Variants in DNM1 observed in about 807,000 individuals in gnomAD.
The protein encoded by DNM1 is dynamin-1.
A neutral mutation model predicts 104.6 loss-of-function variants in DNM1; 29 were observed. The observed-to-expected ratio is 0.28, with a 90% CI of 0.21 to 0.38. The LOEUF is 0.38. Ranked by LOEUF, DNM1 falls within the 10% of genes least tolerant of loss-of-function variation. The pLI, the probability that DNM1 is intolerant of heterozygous loss-of-function variation, is 1.00. For missense variants in DNM1, 640 were observed against 1,189.4 expected (o/e 0.54, Z 6.79); for synonymous variants, 445 against 475.8 (o/e 0.94, Z 0.84).
intron 10 of DNM1, among the ~76,000 whole-genome samples, chr9:128,230,404 C>G (rs1835608189): frequency 6.9e-6 from 1 of 145,552 alleles, no homozygotes; most frequent in Non-Finnish European, 1.5e-5. Flanking sequence ...TTTATTTTCT[C>G]TTCACAAATT....
Position 128,250,208 on chromosome 9 carries a change from C to T in DNM1, c.2170C>T (p.Arg724Trp), listed in dbSNP as rs1386035686. 1.2e-6 allele frequency: 2 copies of T among 1,614,038 alleles called. No individual in the cohort carries two copies. Among genetic ancestry groups the T allele is most frequent in the African/African-American group, 2.7e-5 (2 of 74,942 alleles). The change falls in exon 20 of 22, where the codon CGG becomes TGG. Residue 724 changes from arginine to tryptophan, a missense_variant. Physicochemically the swap from Arg to Trp is moderately radical, Grantham distance 101. Around this residue, in one of 7 missense-constraint regions of DNM1, gnomAD observed 129 missense variants for 224.6 expected, o/e 0.57. Transcript: ENST00000372923. ...GGAGGAGTCGGCGGAGCAGGCACAG[C>T]GGCGCGACGAGATGCTGCGCATGTA... ...LMEESAEQAQ[R>W]RDEMLRMYHA...
rs1836895675 is a variant in DNM1 at position 128,247,445 on chromosome 9, G to A, written c.1852G>A (p.Ala618Thr). ...ACAGGAGGAGGTGGACAGCTGGAAGGCCTCCTTCCTGAGGGCTGGCGTGTA... is the reference window on the plus strand; with the variant it reads ...ACAGGAGGAGGTGGACAGCTGGAAGACCTCCTTCCTGAGGGCTGGCGTGTA... Reference protein sequence around the residue: ...ETQEEVDSWKASFLRAGVYPE... With the variant: ...ETQEEVDSWKTSFLRAGVYPE... The change falls in exon 17 of 22, where the codon GCC (alanine) becomes ACC (threonine). Residue 618 changes from alanine (A) to threonine (T), a missense_variant. Physicochemically the swap from Ala to Thr is moderately conservative, Grantham distance 58. Transcript: ENST00000372923. This position sits in a 1 kb window ranked among gnomAD's most constrained non-coding sequence, Gnocchi z 5.1. 6.2e-7 allele frequency: 1 copy of A among 1,613,710 alleles called. No individual in the cohort carries two copies. The highest frequency in any genetic ancestry group is 8.5e-7 in the Non-Finnish European group (1 of 1,179,710).
Position 128,245,449 on chromosome 9 carries a change from G to C in DNM1, c.1672-945G>C, listed in dbSNP as rs1259705656. ...TGACAAAAACCCCTCCCCTCTCCCA[G>C]AGCCCCATCCTGGGGTACCTCCTCC... On this transcript the variant is annotated intron_variant, in intron 15 of 21. Coordinates refer to ENST00000372923, the MANE Select transcript of DNM1 (RefSeq NM_004408.4). This position sits in a 1 kb window ranked among gnomAD's most constrained non-coding sequence, Gnocchi z 5.2. Among the ~76,000 whole-genome samples, 1 of 149,888 alleles carries C rather than the reference G, an allele frequency of 6.7e-6. No individual in the cohort carries two copies. The highest frequency in any genetic ancestry group is 1.5e-5 in the Non-Finnish European group (1 of 67,658).
At position 128,242,237 on chromosome 9, in the gene DNM1, C is replaced by A; in HGVS notation, c.1563C>A (p.Ile521=). The change falls in exon 15 of 22, where the codon ATC becomes ATA. Residue 521 remains isoleucine (I), a synonymous_variant. Coordinates refer to ENST00000372923, the MANE Select transcript of DNM1 (RefSeq NM_004408.4). ...TSGNQDEILV[I]RKGWLTINNI... ...CCTGCCCCATCACCCTCCAGGTCAT[C>A]CGCAAGGGCTGGCTGACTATCAATA... 1 of 1,602,982 alleles carries A rather than the reference C, an allele frequency of 6.2e-7. No homozygotes were observed.
In DNM1 at chr9:128,220,347, C is replaced by T. The variant is rs527412689; in HGVS notation, c.849+6C>T. On this transcript the variant is annotated splice_donor_region_variant and intron_variant, in intron 6 of 21. Coordinates refer to ENST00000372923, the MANE Select transcript of DNM1 (RefSeq NM_004408.4). This position sits in a 1 kb window ranked among gnomAD's most constrained non-coding sequence, Gnocchi z 5.2. The stretch of plus-strand genomic sequence containing the variant: ...TGCAGAAGGTCCTCAATCAGGTAGG[C>T]GACCAAGCCAGGATGGGGCCTGGGG... The T allele has an allele frequency of 9.0e-5, 145 of 1,612,782 alleles. 1 individual carries two copies. The highest frequency in any genetic ancestry group is 5.0e-4 in the Admixed American group (30 of 60,024).
chr9:128,253,064 G>C lies in DNM1; in HGVS notation c.2535-1590G>C, dbSNP rs553796095. Reference sequence around the variant, plus strand: ...ACCCCCAGGCCGGCCCCACCCGTGCGTGTGAACTGCCATGTTGATTTCGTG... The same window carrying C: ...ACCCCCAGGCCGGCCCCACCCGTGCCTGTGAACTGCCATGTTGATTTCGTG... On this transcript the variant is annotated intron_variant, in intron 21 of 21. Coordinates refer to ENST00000372923, the MANE Select transcript of DNM1 (RefSeq NM_004408.4). The surrounding 1 kb of genome is among the most constrained non-coding windows in gnomAD (Gnocchi z 5.9). 1 of 1,610,844 alleles carries C rather than the reference G, an allele frequency of 6.2e-7. No individual in the cohort carries two copies. The highest frequency in any genetic ancestry group is 1.1e-5 in the South Asian group (1 of 91,038).
intron 1 of DNM1, among the ~76,000 whole-genome samples, chr9:128,211,760 T>C (rs1834315961): frequency 1.3e-5 from 2 of 152,124 alleles, no homozygotes; most frequent in Admixed American, 6.5e-5. Context: ...TGGGATGCCT[T>C]CTCTGATGAC....
Position 128,218,596 on chromosome 9 carries a change from C to T in DNM1, c.250C>T (p.Leu84=). 6.2e-7 allele frequency: 1 copy of T among 1,612,360 alleles called. No individual in the cohort carries two copies. Among genetic ancestry groups the T allele is most frequent in the Non-Finnish European group, 8.5e-7 (1 of 1,178,690 alleles). The change falls in exon 3 of 22, where the codon CTG becomes TTG. Residue 84 remains leucine, a synonymous_variant. Transcript: ENST00000372923. The surrounding 1 kb of genome is among the most constrained non-coding windows in gnomAD (Gnocchi z 4.8). ...TTCTGGAGCAGAATATGCCGAGTTC[C>T]TGCACTGCAAGGGAAAGAAATTCAC... ...VNATTEYAEF[L]HCKGKKFTDF... is the part of the protein sequence containing the mutation.
intron 15 of DNM1, among the ~76,000 whole-genome samples, chr9:128,242,736 G>A (rs1836451005): frequency 6.6e-6 from 1 of 152,166 alleles, no homozygotes; most frequent in Non-Finnish European, 1.5e-5. Context: ...CTCCAGCCTG[G>A]GCAACAGAGT....
rs1183293672 is a variant in DNM1 at position 128,229,869 on chromosome 9, C to T, written c.1336-4152C>T. 4.0e-5 allele frequency among the ~76,000 whole-genome samples: 6 copies of T among 151,462 alleles called. No homozygotes were observed. The South Asian group carries it at 1.0e-3, about 26-fold the overall frequency. ...CAGAGGTTGCAGTGAGCCAAGATCA[C>T]GCCACTGCACTCCAGCCTGGGTGAC... On this transcript the variant is annotated intron_variant, in intron 10 of 21. Transcript: ENST00000372923.
intron 1 of DNM1, among the ~76,000 whole-genome samples, chr9:128,209,659 C>T (rs147410514): frequency 3.5e-4 from 54 of 152,322 alleles, no homozygotes; most frequent in African/African-American, 1.0e-3. Context: ...CAGGTGTCCC[C>T]TCTCCGCAGG....
chr9:128,239,427 A>T lies in DNM1; in HGVS notation c.1423-18A>T, dbSNP rs755086548. The T allele has an allele frequency of 3.1e-6, 5 of 1,610,826 alleles. No homozygotes were observed. The Admixed American group carries it at 5.0e-5, about 16-fold the overall frequency. ...TGGTGTCTTTTGCGCTTGCCCACCA[A>T]CCTATGTATCCTTGAAGGTCATGCT... On this transcript the variant is annotated intron_variant, in intron 11 of 21. Transcript: ENST00000372923.
At position 128,222,390 on chromosome 9, in the gene DNM1, C is replaced by A; in HGVS notation, c.992+51C>A. On this transcript the variant is annotated intron_variant, in intron 7 of 21. Coordinates refer to ENST00000372923, the MANE Select transcript of DNM1 (RefSeq NM_004408.4). The surrounding 1 kb of genome is among the most constrained non-coding windows in gnomAD (Gnocchi z 7.8). ...TGAATCCCCGCCCCCAGCCTCTCAG[C>A]GTGGGGCTCTCCCAGGGTTCCCTTT... is the stretch of plus-strand genomic sequence containing the variant. 6.2e-7 allele frequency: 1 copy of A among 1,609,074 alleles called. No homozygotes were observed. The highest frequency in any genetic ancestry group is 8.5e-7 in the Non-Finnish European group (1 of 1,176,484).
chr9:128,233,998 T>C (rs1171558720), intron 10 of DNM1, 23 bp from the exon 11 acceptor site: 1 of 1,552,490 alleles, frequency 6.4e-7, no homozygotes, highest in Admixed American at 2.0e-5. Context: ...TACGTGGCTT[T>C]CTGCCCTCCT....
chr9:128,239,388 AT>A, intron 11 of DNM1, 56 bp from the exon 12 acceptor site: 1 of 1,386,346 alleles, frequency 7.2e-7, no homozygotes, highest in Non-Finnish European at 1.0e-6. Flanking sequence ...CTTGCCCTGC[AT>A]TTTAAAACTT....
intron 20 of DNM1, 120 bp downstream of exon 20, chr9:128,250,476 C>T (rs1394939901): frequency 4.2e-6 from 5 of 1,188,552 alleles, no homozygotes; most frequent in Non-Finnish European, 5.7e-6. Context: ...GAGCGAGGGG[C>T]GGAGCTTAGA....
Position 128,220,954 on chromosome 9 carries a change from TC to T in DNM1, c.849+615del. Among the ~76,000 whole-genome samples the T allele has an allele frequency of 2.2e-4, 33 of 149,550 alleles. No homozygotes were observed. The highest frequency in any genetic ancestry group is 7.6e-4 in the African/African-American group (31 of 40,628). Reference sequence around the variant, plus strand: ...CTTTCTTTTCTTTTCTTTCTTTCTTTCCTTTCTTCTTTCTTTCTTTCTCTTT... The same window carrying T: ...CTTTCTTTTCTTTTCTTTCTTTCTTTCTTTCTTCTTTCTTTCTTTCTCTTT... On this transcript the variant is annotated intron_variant, in intron 6 of 21. Coordinates refer to ENST00000372923, the MANE Select transcript of DNM1 (RefSeq NM_004408.4). The surrounding 1 kb of genome is among the most constrained non-coding windows in gnomAD (Gnocchi z 5.2).
chr9:128,222,392 T>C lies in DNM1; in HGVS notation c.992+53T>C. The C allele has an allele frequency of 6.2e-7, 1 of 1,609,424 alleles. No individual in the cohort carries two copies. Among genetic ancestry groups the C allele is most frequent in the Admixed American group, 1.7e-5 (1 of 59,848 alleles). The stretch of plus-strand genomic sequence containing the variant: ...AATCCCCGCCCCCAGCCTCTCAGCG[T>C]GGGGCTCTCCCAGGGTTCCCTTTGC... On this transcript the variant is annotated intron_variant, in intron 7 of 21. Transcript: ENST00000372923. This position sits in a 1 kb window ranked among gnomAD's most constrained non-coding sequence, Gnocchi z 7.8.
chr9:128,239,911 C>T, intron 13 of DNM1, 74 bp from the exon 14 acceptor site: 2 of 1,598,404 alleles, frequency 1.3e-6, no homozygotes, highest in Non-Finnish European at 8.6e-7. Flanking sequence ...CCACAAGCCT[C>T]CCACTCTGCC....
Sources: gnomAD v4.1 joint callset for allele counts (sites outside exome capture counted in the v4.1 genomes callset) on GRCh38, gnomAD v4.1.1 for gene constraint, gnomAD v4.1.1 regional missense constraint, Gnocchi (gnomAD v3.1) non-coding constraint, MANE v1.5 for transcripts, NCBI Gene and HGNC (gene_info 2026-07-23, HGNC 2026-07-21) for gene names.